CCDC192: variants seen among roughly 807,000 people sequenced by gnomAD.
CCDC192 encodes the protein coiled-coil domain-containing protein 192.
At chr5:127,802,504 T>C (rs1419841358) in intron 5 of CCDC192, among the ~76,000 whole-genome samples, 1 of 152,202 alleles carries the variant, frequency 6.6e-6, no homozygotes, top group African/African-American at 2.4e-5. Context: ...CTTGCTACCC[T>C]GAATGCCTGT....
At chr5:127,725,967 GT>G (rs376958766) in intron 2 of CCDC192, among the ~76,000 whole-genome samples, 401 of 151,242 alleles carry the variant, frequency 2.7e-3, no homozygotes, top group African/African-American at 9.0e-3. Flanking sequence ...ATTATTTTTT[GT>G]TTTTTTCTTT....
chr5:127,815,503 C>A (rs1003140361), intron 5 of CCDC192, among the ~76,000 whole-genome samples: 14 of 152,102 alleles, frequency 9.2e-5, no homozygotes, highest in Non-Finnish European at 2.1e-4. Flanking sequence ...TGGAATCTAC[C>A]TTCAGCTTCA....
chr5:127,888,733 A>C (rs373035593), intron 6 of CCDC192, among the ~76,000 whole-genome samples: 17 of 152,222 alleles, frequency 1.1e-4, no homozygotes, highest in African/African-American at 3.9e-4. Flanking sequence ...AGGGAAATAC[A>C]CAGCTGACTA....
At chr5:127,797,761 ATATATATATATATATATTTATT>A (rs1375183152) in intron 4 of CCDC192, among the ~76,000 whole-genome samples, 2 of 11,392 alleles carry the variant, frequency 1.8e-4, no homozygotes, top group African/African-American at 1.7e-4. Context: ...ATATATATAT[ATATATATATATATATATTTATT>A]TATTTATTTA....
intron 6 of CCDC192, among the ~76,000 whole-genome samples, chr5:127,931,081 TGG>T (rs1754015936): frequency 6.6e-6 from 1 of 151,986 alleles, no homozygotes; most frequent in Non-Finnish European, 1.5e-5. Flanking sequence ...TTCTCAGGAG[TGG>T]GGGATTCACT....
chr5:127,837,836 A>C (rs1750095762), intron 5 of CCDC192, among the ~76,000 whole-genome samples: 1 of 152,166 alleles, frequency 6.6e-6, no homozygotes, highest in South Asian at 2.1e-4. Context: ...AAAATACAAA[A>C]AATTAGCCAG....
intron 6 of CCDC192, among the ~76,000 whole-genome samples, chr5:127,923,058 A>C (rs1015870335): frequency 1.6e-4 from 24 of 152,362 alleles, no homozygotes; most frequent in African/African-American, 5.5e-4. Flanking sequence ...AAAAGAAGCC[A>C]CATTTTCAGT....
intron 6 of CCDC192, among the ~76,000 whole-genome samples, chr5:127,889,389 CTTTTCT>C (rs1752664100): frequency 2.8e-5 from 4 of 142,454 alleles, no homozygotes; most frequent in African/African-American, 1.0e-4. Flanking sequence ...TTTTCCTTTT[CTTTTCT>C]TTTCTTTCTT....
At chr5:127,853,214 C>G (rs984183764) in intron 5 of CCDC192, among the ~76,000 whole-genome samples, 4 of 152,176 alleles carry the variant, frequency 2.6e-5, no homozygotes, top group African/African-American at 9.7e-5. Flanking sequence ...ACTGGACTAC[C>G]ACCTCATTCC....
At chr5:127,735,939 G>T (rs1467623391) in intron 2 of CCDC192, among the ~76,000 whole-genome samples, 1 of 128,800 alleles carries the variant, frequency 7.8e-6, no homozygotes, top group Non-Finnish European at 1.6e-5. Context: ...CTGCCTAATT[G>T]CCCTGGCCAG....
At chr5:127,800,969 C>T (rs1011918451) in intron 5 of CCDC192, among the ~76,000 whole-genome samples, 4 of 152,120 alleles carry the variant, frequency 2.6e-5, no homozygotes, top group African/African-American at 9.6e-5. Flanking sequence ...GAATTCAGAG[C>T]CCCCCACAAC....
chr5:127,887,328 C>CAAAAAA (rs10658827), intron 6 of CCDC192, among the ~76,000 whole-genome samples: 43 of 87,388 alleles, frequency 4.9e-4, no homozygotes, highest in African/African-American at 8.9e-4. Context: ...GACTCTGTCT[C>CAAAAAA]AAAAAAAAAA....
At chr5:127,805,613 G>A (rs968469092) in intron 5 of CCDC192, among the ~76,000 whole-genome samples, 1 of 152,082 alleles carries the variant, frequency 6.6e-6, no homozygotes, top group African/African-American at 2.4e-5. Context: ...CTTTCCTGCG[G>A]GCCATTCTCT....
chr5:127,913,883 T>C (rs1317088496), intron 6 of CCDC192, among the ~76,000 whole-genome samples: 3 of 152,044 alleles, frequency 2.0e-5, no homozygotes, highest in Non-Finnish European at 4.4e-5. Context: ...CATGTGGAGG[T>C]AGATGGAAAA....
chr5:127,936,578 A>G (rs1007506000), intron 6 of CCDC192, among the ~76,000 whole-genome samples: 2 of 77,294 alleles, frequency 2.6e-5, no homozygotes, highest in Non-Finnish European at 6.8e-5. Context: ...ATTTTAAGTC[A>G]TAGAAGAAAG....
At chr5:127,721,935 C>T (rs1752051253) in intron 2 of CCDC192, among the ~76,000 whole-genome samples, 3 of 152,124 alleles carry the variant, frequency 2.0e-5, no homozygotes, top group Admixed American at 2.0e-4. Flanking sequence ...GGAGTAAGCC[C>T]CAATGATCCA....
intron 6 of CCDC192, among the ~76,000 whole-genome samples, chr5:127,889,882 T>A (rs931554503): frequency 2.6e-4 from 13 of 50,432 alleles, no homozygotes; most frequent in African/African-American, 9.1e-4. Context: ...GTTTTATAAA[T>A]TTTTTTTTTT....
intron 5 of CCDC192, among the ~76,000 whole-genome samples, chr5:127,807,043 T>A (rs1341155408): frequency 6.6e-6 from 1 of 152,206 alleles, no homozygotes; most frequent in Non-Finnish European, 1.5e-5. Context: ...TTCTGTTCCT[T>A]CTGTCAGTAG....
In CCDC192 at chr5:127,786,770, C is replaced by G. The variant is rs566359420; in HGVS notation, c.223-10333C>G. 69 of 651,598 alleles carry G rather than the reference C, an allele frequency of 1.1e-4. No homozygotes were observed. In the African/African-American group the frequency reaches 1.1e-3, roughly 11 times the overall value. 40.4% of individuals were successfully genotyped at this position (651,598 alleles called of 1,614,324 possible). On this transcript the variant is annotated intron_variant, in intron 3 of 6. Coordinates refer to ENST00000514853, the MANE Select transcript of CCDC192 (RefSeq NM_001317938.2). The stretch of plus-strand genomic sequence containing the variant: ...TTGTCAAGTAATTATTCAAAAATTA[C>G]TTAAGTTGTTTGTATAATTCCAGGC...
Sources: gnomAD v4.1 joint callset for allele counts (sites outside exome capture counted in the v4.1 genomes callset) on GRCh38, gnomAD v4.1.1 for gene constraint, MANE v1.5 for transcripts, NCBI Gene and HGNC (gene_info 2026-07-23, HGNC 2026-07-21) for gene names.